The following SPINT4 variants were observed in gnomAD, a reference collection of about 807,000 sequenced individuals.
SPINT4 encodes kunitz-type protease inhibitor 4.
A neutral mutation model predicts 9.4 loss-of-function variants in SPINT4; 7 were observed. The observed-to-expected ratio is 0.74, with a 90% CI of 0.42 to 1.40. The LOEUF (loss-of-function observed/expected upper bound fraction) is 1.40. Ranked by LOEUF, SPINT4 falls within the 40% of genes most tolerant of loss-of-function variation. The pLI is 0.01. For missense variants in SPINT4, 105 were observed against 114.4 expected (o/e 0.92, Z 0.37); for synonymous variants, 36 against 39.9 (o/e 0.90, Z 0.37).
At chr20:45,725,015 T>TATATACAC (rs1555809007) in intron 2 of SPINT4, among the ~76,000 whole-genome samples, 4 of 113,504 alleles carry the variant, frequency 3.5e-5, no homozygotes, top group Non-Finnish European at 6.9e-5. Flanking sequence ...TATATATATA[T>TATATACAC]ATATATATAT....
At position 45,722,475 on chromosome 20, in the gene SPINT4, C is replaced by T. The variant is rs140554458; in HGVS notation, c.108C>T (p.Asp36=). 6 of 1,603,226 alleles carry T rather than the reference C, an allele frequency of 3.7e-6. No individual in the cohort carries two copies. The highest frequency in any genetic ancestry group is 1.3e-5 in the African/African-American group (1 of 74,726). The part of the protein sequence containing the change: ...VNKIAEKICG[D]LKDPCKLDMN... The stretch of plus-strand genomic sequence containing the variant: ...AAATTGCGGAGAAGATATGTGGAGA[C>T]CTCAAAGGTATGAAGCTAAGGCAGA... Residue 36 remains aspartate, a synonymous_variant, in exon 1 of 3, where the codon GAC becomes GAT. Coordinates refer to ENST00000279058, the MANE Select transcript of SPINT4 (RefSeq NM_178455.3).
In SPINT4 at chr20:45,724,123, A is replaced by G. The variant is rs34120468; in HGVS notation, c.293+66A>G. 4,277 of 1,482,680 alleles carry G rather than the reference A, an allele frequency of 2.9e-3. 199 individuals are homozygous for G. In the Admixed American group the frequency reaches 0.088, roughly 31 times the overall value. The allele number at this position is 1,482,680 out of a possible 1,614,324, so 91.8% of individuals were successfully genotyped here. On this transcript the variant is annotated intron_variant, in intron 2 of 2. Transcript: ENST00000279058. ...AAAGAAGAGGTTTTGACATCCTAAG[A>G]TAGAGAAAATTGATCAGGGGCTAAC... is the stretch of plus-strand genomic sequence containing the variant.
At chr20:45,725,556 C>G (rs1190249591) in intron 2 of SPINT4, 73 bp from the exon 3 acceptor site, 1 of 1,542,928 alleles carries the variant, frequency 6.5e-7, no homozygotes, top group East Asian at 2.2e-5. Flanking sequence ...TAAAAAATGA[C>G]CTGCATTAAT....
chr20:45,724,457 C>T (rs866872540), intron 2 of SPINT4, among the ~76,000 whole-genome samples: 3 of 148,490 alleles, frequency 2.0e-5, no homozygotes, highest in South Asian at 2.2e-4. Context: ...TGCGGCGAGC[C>T]GAGATCGCGC....
Position 45,722,375 on chromosome 20 carries a change from C to T in SPINT4, c.8C>T (p.Ser3Phe), listed in dbSNP as rs1194786457. The part of the protein sequence containing the change: MK[S>F]AKLGFLLRFF... ...CCTGCTGCTTGCTGCACCATGAAGT[C>T]TGCCAAGCTGGGATTTCTTCTAAGA... The change falls in exon 1 of 3, where the codon TCT (serine) becomes TTT (phenylalanine). Residue 3 changes from serine to phenylalanine, a missense_variant. Ser to Phe is a radical substitution (Grantham distance 155). Coordinates refer to ENST00000279058, the MANE Select transcript of SPINT4 (RefSeq NM_178455.3). The T allele has an allele frequency of 1.2e-6, 2 of 1,610,406 alleles. No homozygotes were observed. The highest frequency in any genetic ancestry group is 8.5e-7 in the Non-Finnish European group (1 of 1,176,524).
intron 1 of SPINT4, 59 bp downstream of exon 1, chr20:45,722,541 T>G: frequency 7.7e-7 from 1 of 1,302,416 alleles, no homozygotes; most frequent in East Asian, 2.3e-5. Context: ...AGAGAAGGTA[T>G]TGGGAGAAAA....
intron 1 of SPINT4, among the ~76,000 whole-genome samples, 187 bp from the exon 2 acceptor site, chr20:45,723,693 A>G (rs1247877315): frequency 1.3e-5 from 2 of 152,124 alleles, no homozygotes; most frequent in Admixed American, 6.5e-5. Context: ...ATTTTAACCA[A>G]TTTGCATTGT....
intron 1 of SPINT4, among the ~76,000 whole-genome samples, chr20:45,722,844 T>C (rs1353243215): frequency 1.3e-5 from 2 of 152,082 alleles, no homozygotes; most frequent in Admixed American, 6.6e-5. Flanking sequence ...AATTAAGACA[T>C]TTTCAGTATC....
intron 1 of SPINT4, 117 bp from the exon 2 acceptor site, chr20:45,723,763 C>T (rs1243505831): frequency 4.8e-6 from 4 of 833,246 alleles, no homozygotes; most frequent in Admixed American, 6.0e-5. Flanking sequence ...TTTCAGAGTC[C>T]TTGAATATGA....
At chr20:45,723,223 G>A (rs1201068984) in intron 1 of SPINT4, among the ~76,000 whole-genome samples, 1 of 152,048 alleles carries the variant, frequency 6.6e-6, no homozygotes, top group African/African-American at 2.4e-5. Flanking sequence ...GCTTGAGTAA[G>A]GTGGATTGTC....
At position 45,724,979 on chromosome 20, in the gene SPINT4, CAAAA is replaced by C. The variant is rs1168670011; in HGVS notation, c.294-636_294-633del. Among the ~76,000 whole-genome samples, 103 of 27,140 alleles carry C rather than the reference CAAAA, an allele frequency of 3.8e-3. 10 individuals are homozygous for C. Among genetic ancestry groups the C allele is most frequent in the Non-Finnish European group, 4.3e-3 (80 of 18,530 alleles). The allele number at this position is 27,140 out of a possible 152,430, so 17.8% of individuals were successfully genotyped here. Reference sequence around the variant, plus strand: ...TGGGAGACAAAGTGAGACTCCATCTCAAAAAAAAAAAAAAAAATATATATATATA... The same window carrying C: ...TGGGAGACAAAGTGAGACTCCATCTCAAAAAAAAAAAAATATATATATATA... On this transcript the variant is annotated intron_variant, in intron 2 of 2. Coordinates refer to ENST00000279058, the MANE Select transcript of SPINT4 (RefSeq NM_178455.3).
intron 1 of SPINT4, among the ~76,000 whole-genome samples, chr20:45,723,359 A>AC (rs553963495): frequency 2.2e-3 from 339 of 152,118 alleles, no homozygotes; most frequent in African/African-American, 7.7e-3. Context: ...AACGAGCATC[A>AC]CCCCAAGGTT....
intron 1 of SPINT4, among the ~76,000 whole-genome samples, 175 bp from the exon 2 acceptor site, chr20:45,723,705 C>T (rs6032472): frequency 0.46 from 70,468 of 151,904 alleles, 17,989 homozygotes; most frequent in African/African-American, 0.67. Flanking sequence ...TTGCATTGTG[C>T]AAGGGCAACA....
chr20:45,723,830 T>A, intron 1 of SPINT4, 50 bp from the exon 2 acceptor site: 2 of 1,462,620 alleles, frequency 1.4e-6, no homozygotes, highest in Non-Finnish European at 1.8e-6. Flanking sequence ...CAAGTTCTCC[T>A]GCTGAGTCCT....
At chr20:45,724,995 AATATATATATAT>A (rs1156730831) in intron 2 of SPINT4, among the ~76,000 whole-genome samples, 3 of 36,430 alleles carry the variant, frequency 8.2e-5, no homozygotes, top group Non-Finnish European at 1.3e-4. Flanking sequence ...AAAAAAAAAA[AATATATATATAT>A]ATATATATAT....
At chr20:45,723,539 G>C (rs1358652307) in intron 1 of SPINT4, among the ~76,000 whole-genome samples, 2 of 152,122 alleles carry the variant, frequency 1.3e-5, no homozygotes, top group African/African-American at 2.4e-5. Flanking sequence ...ATGTGGGGAA[G>C]CAGGAGGATA....
At chr20:45,722,553 T>C (rs539832758) in intron 1 of SPINT4, 71 bp downstream of exon 1, 8 of 1,169,230 alleles carry the variant, frequency 6.8e-6, no homozygotes, top group South Asian at 5.0e-5. Context: ...GGGAGAAAAG[T>C]GTGTTATCTA....
In SPINT4 at chr20:45,725,768, C is replaced by A; in HGVS notation, c.*133C>A. On this transcript the variant is annotated 3_prime_UTR_variant, in exon 3 of 3. Transcript: ENST00000279058. ...TCCATATGTTTGCTATTTTCCTGAC[C>A]CTAGTTTTGTCTTTCCTGGAAATTA... The A allele has an allele frequency of 1.7e-6, 2 of 1,197,580 alleles. No homozygotes were observed. Among genetic ancestry groups the A allele is most frequent in the Non-Finnish European group, 2.4e-6 (2 of 817,116 alleles). 74.2% of individuals were successfully genotyped at this position (1,197,580 alleles called of 1,614,324 possible).
chr20:45,724,808 G>T (rs1196624021), intron 2 of SPINT4, among the ~76,000 whole-genome samples: 2 of 147,616 alleles, frequency 1.4e-5, no homozygotes, highest in Admixed American at 6.7e-5. Flanking sequence ...GTGAAACCCC[G>T]TCTCTACCAA....
Sources: allele counts gnomAD v4.1 joint callset (sites outside exome capture counted in the v4.1 genomes callset), GRCh38; gene constraint gnomAD v4.1.1; transcripts MANE v1.5; gene names NCBI Gene and HGNC (gene_info 2026-07-23, HGNC 2026-07-21).